Variants in DLGAP2 observed in about 807,000 individuals in gnomAD.
The protein encoded by DLGAP2 is disks large-associated protein 2.
In DLGAP2, 26 loss-of-function variants were observed where a neutral mutation model predicts 100.3. The ratio of observed to expected loss-of-function variants is 0.26; its 90% CI spans 0.19 to 0.36. DLGAP2 has a LOEUF of 0.36. DLGAP2 is among the 10% of genes least tolerant of loss of function. The probability of loss-of-function intolerance (pLI) is 1.00; values close to 1 mark genes in which losing one functional copy is unlikely to be tolerated. For missense variants in DLGAP2, 1,858 were observed against 1,453.2 expected (o/e 1.28, Z -4.53); for synonymous variants, 886 against 630.1 (o/e 1.41, Z -6.08).
intron 3 of DLGAP2, among the ~76,000 whole-genome samples, chr8:1,347,431 A>G (rs1801590256): frequency 2.0e-5 from 3 of 151,506 alleles, no homozygotes; most frequent in African/African-American, 7.3e-5. Flanking sequence ...CATTGCACTC[A>G]TGGCAACTAT....
intron 3 of DLGAP2, among the ~76,000 whole-genome samples, chr8:1,343,252 G>A (rs1369396599): frequency 7.2e-5 from 11 of 152,176 alleles, no homozygotes; most frequent in African/African-American, 2.4e-4. Flanking sequence ...GAGGTGCGCA[G>A]GGCAGGGCTC....
In DLGAP2 at chr8:1,411,054, A is replaced by G. The variant is rs80116293; in HGVS notation, c.107-90312A>G. 3.5e-3 allele frequency among the ~76,000 whole-genome samples: 534 copies of G among 152,276 alleles called. 9 individuals are homozygous for G. The East Asian group carries it at 0.048, about 14-fold the overall frequency. ...GAGTTTCAGTGCATAAAAGGTGACT[A>G]AAGTGTCACCGTGGAAAGCTACCTG... On this transcript the variant is annotated intron_variant, in intron 3 of 14. Coordinates refer to ENST00000637795, the MANE Select transcript of DLGAP2 (RefSeq NM_001346810.2).
chr8:1,160,933 A>G (rs1226299511), intron 2 of DLGAP2, among the ~76,000 whole-genome samples: 2 of 152,236 alleles, frequency 1.3e-5, no homozygotes, highest in Non-Finnish European at 2.9e-5. Flanking sequence ...CACCTAAGGA[A>G]TTATTTTACC....
Position 1,281,008 on chromosome 8 carries a change from G to C in DLGAP2, c.106+22125G>C, listed in dbSNP as rs1563058723. Reference sequence around the variant, plus strand: ...ATCCTTACGATAGCTCCACGACCTTGGTCAAGCAATGGTCTTCCTGAGCCT... The same window carrying C: ...ATCCTTACGATAGCTCCACGACCTTCGTCAAGCAATGGTCTTCCTGAGCCT... On this transcript the variant is annotated intron_variant, in intron 3 of 14. Transcript: ENST00000637795. 2.6e-5 allele frequency among the ~76,000 whole-genome samples: 4 copies of C among 152,192 alleles called. No homozygotes were observed. In the East Asian group the frequency reaches 7.7e-4, roughly 29 times the overall value.
chr8:879,648 C>A (rs576287645), intron 1 of DLGAP2, among the ~76,000 whole-genome samples: 3 of 152,198 alleles, frequency 2.0e-5, no homozygotes, highest in African/African-American at 2.4e-5. Context: ...TGTGCTACAA[C>A]CTCCCTTCTG....
At chr8:1,245,360 A>C (rs551728188) in intron 2 of DLGAP2, among the ~76,000 whole-genome samples, 25 of 152,288 alleles carry the variant, frequency 1.6e-4, no homozygotes, top group African/African-American at 6.0e-4. Context: ...CCGGAAACGG[A>C]GGGGTGGATA....
intron 2 of DLGAP2, among the ~76,000 whole-genome samples, chr8:1,153,288 A>C (rs1796727709): frequency 6.6e-6 from 1 of 152,174 alleles, no homozygotes; most frequent in African/African-American, 2.4e-5. Context: ...CGGAAGGAAA[A>C]AAATCAGCTT....
chr8:1,172,832 T>G (rs1288728166), intron 2 of DLGAP2, among the ~76,000 whole-genome samples: 1 of 152,228 alleles, frequency 6.6e-6, no homozygotes, highest in African/African-American at 2.4e-5. Flanking sequence ...GGTTTGAATT[T>G]CCTCCTGTAG....
At chr8:794,539 G>A (rs535462643) in intron 1 of DLGAP2, among the ~76,000 whole-genome samples, 1 of 152,352 alleles carries the variant, frequency 6.6e-6, no homozygotes, top group Non-Finnish European at 1.5e-5. Flanking sequence ...AACTGCAGCA[G>A]GAGCATGTCT....
intron 3 of DLGAP2, among the ~76,000 whole-genome samples, chr8:1,259,324 A>C (rs1028387984): frequency 6.6e-6 from 1 of 152,148 alleles, no homozygotes. Context: ...AGTGATGTTC[A>C]TCAGTGTTGC....
chr8:1,113,201 A>G (rs1321141126), intron 2 of DLGAP2, among the ~76,000 whole-genome samples: 2 of 152,076 alleles, frequency 1.3e-5, no homozygotes, highest in African/African-American at 2.4e-5. Flanking sequence ...TTTTGGTTCC[A>G]TATGAATTTT....
At chr8:852,685 C>A (rs1404017240) in intron 1 of DLGAP2, among the ~76,000 whole-genome samples, 2 of 152,166 alleles carry the variant, frequency 1.3e-5, no homozygotes, top group African/African-American at 4.8e-5. Context: ...CATGCTAACA[C>A]CTTGGCTACT....
Position 1,052,522 on chromosome 8 carries a change from A to G in DLGAP2, c.73+144556A>G, listed in dbSNP as rs143983262. On this transcript the variant is annotated intron_variant, in intron 2 of 14. Coordinates refer to ENST00000637795, the MANE Select transcript of DLGAP2 (RefSeq NM_001346810.2). ...ATCTTTGGAGGAGTTACTATATTCC[A>G]GGCATTGTGTAGGAGGAATCCTTTG... 3.3e-5 allele frequency among the ~76,000 whole-genome samples: 5 copies of G among 152,310 alleles called. No individual in the cohort carries two copies. The East Asian group carries it at 9.6e-4, about 29-fold the overall frequency.
intron 2 of DLGAP2, among the ~76,000 whole-genome samples, chr8:1,123,510 C>G (rs1414584123): frequency 2.6e-5 from 4 of 152,108 alleles, no homozygotes; most frequent in South Asian, 2.1e-4. Context: ...TGCCTGTTAG[C>G]TTTGGAGACT....
intron 14 of DLGAP2, among the ~76,000 whole-genome samples, chr8:1,700,261 C>A (rs553588369): frequency 6.6e-6 from 1 of 152,292 alleles, no homozygotes; most frequent in African/African-American, 2.4e-5. Context: ...CTGTTTTTCT[C>A]CCCCAAAACT....
chr8:1,037,376 C>T (rs535340143), intron 2 of DLGAP2, among the ~76,000 whole-genome samples: 2 of 152,294 alleles, frequency 1.3e-5, no homozygotes, highest in African/African-American at 4.8e-5. Flanking sequence ...CGCCTCGGGC[C>T]CAGGGCTTCC....
At chr8:752,355 T>C (rs1441094046) in intron 1 of DLGAP2, among the ~76,000 whole-genome samples, 1 of 152,144 alleles carries the variant, frequency 6.6e-6, no homozygotes, top group Non-Finnish European at 1.5e-5. Flanking sequence ...TCCTCCAGCC[T>C]AGTGTGCCCG....
At chr8:1,475,459 G>A (rs140965049) in intron 3 of DLGAP2, among the ~76,000 whole-genome samples, 9 of 152,258 alleles carry the variant, frequency 5.9e-5, no homozygotes, top group Admixed American at 5.9e-4. Flanking sequence ...ATGGTGAGCA[G>A]GCATCAAAAT....
intron 3 of DLGAP2, among the ~76,000 whole-genome samples, chr8:1,377,211 G>C (rs1795968684): frequency 6.6e-6 from 1 of 152,258 alleles, no homozygotes; most frequent in Admixed American, 6.5e-5. Context: ...GGTTAGGGCA[G>C]CAGAGGTGTT....
Sources: allele counts gnomAD v4.1 joint callset (sites outside exome capture counted in the v4.1 genomes callset), GRCh38; gene constraint gnomAD v4.1.1; transcripts MANE v1.5; gene names NCBI Gene and HGNC (gene_info 2026-07-23, HGNC 2026-07-21).